Variants in NRG3 observed in about 807,000 individuals in gnomAD.
NRG3 encodes the protein pro-neuregulin-3, membrane-bound isoform.
In NRG3, 31 loss-of-function variants were observed where a neutral mutation model predicts 66.9. The observed-to-expected ratio is 0.46, with a 90% CI of 0.35 to 0.63. The LOEUF (loss-of-function observed/expected upper bound fraction) is 0.63, where lower values mean the gene tolerates loss of function less well. NRG3 is among the 20% of genes least tolerant of loss of function. The pLI, the probability that NRG3 is intolerant of heterozygous loss-of-function variation, is 0.00. For missense variants in NRG3, 910 were observed against 878.9 expected (o/e 1.04, Z -0.45); for synonymous variants, 393 against 359.4 (o/e 1.09, Z -1.06).
chr10:81,979,718 A>C (rs2060264952), intron 1 of NRG3, among the ~76,000 whole-genome samples: 1 of 152,220 alleles, frequency 6.6e-6, no homozygotes, highest in African/African-American at 2.4e-5. Flanking sequence ...ATGCACAAAC[A>C]CACACAGGAG....
At chr10:82,897,997 C>T (rs552479679) in intron 4 of NRG3, among the ~76,000 whole-genome samples, 2 of 152,228 alleles carry the variant, frequency 1.3e-5, no homozygotes, top group Admixed American at 6.5e-5. Context: ...GCCTTACAGC[C>T]CAGCAACTAG....
rs1004071368 is a variant in NRG3 at position 82,324,383 on chromosome 10, T to C, written c.824-34356T>C. On this transcript the variant is annotated intron_variant, in intron 1 of 8. Coordinates refer to ENST00000372141, the MANE Select transcript of NRG3 (RefSeq NM_001010848.4). ...AAGGATCAAGTTTTTATTTCACTAG[T>C]TTTTCTCTATTGATTTTCATTTTTC... Among the ~76,000 whole-genome samples, 7 of 152,264 alleles carry C rather than the reference T, an allele frequency of 4.6e-5. No individual in the cohort carries two copies. In the East Asian group the frequency reaches 5.8e-4, roughly 13 times the overall value.
intron 2 of NRG3, among the ~76,000 whole-genome samples, chr10:82,556,272 C>A (rs2044643743): frequency 6.6e-6 from 1 of 152,140 alleles, no homozygotes; most frequent in Non-Finnish European, 1.5e-5. Flanking sequence ...CTGCCCTCTC[C>A]TATGTTATCT....
intron 2 of NRG3, among the ~76,000 whole-genome samples, chr10:82,649,771 G>A (rs1438669159): frequency 1.3e-5 from 2 of 152,070 alleles, no homozygotes; most frequent in Non-Finnish European, 2.9e-5. Flanking sequence ...GCATTTTAAT[G>A]AGGGTAGGAT....
Position 82,219,306 on chromosome 10 carries a change from A to T in NRG3, c.824-139433A>T, listed in dbSNP as rs540471132. ...GGTAGCTATGTGACCCCTCAAAAAA[A>T]TTTTTTGGCAATAAAAAATATCTTC... is the stretch of plus-strand genomic sequence containing the variant. On this transcript the variant is annotated intron_variant, in intron 1 of 8. Transcript: ENST00000372141. Among the ~76,000 whole-genome samples the T allele has an allele frequency of 1.4e-3, 209 of 147,782 alleles. 1 individual carries two copies. Among genetic ancestry groups the T allele is most frequent in the Middle Eastern group, 3.4e-3 (1 of 294 alleles).
chr10:82,098,452 G>C (rs1282041133), intron 1 of NRG3, among the ~76,000 whole-genome samples: 3 of 152,106 alleles, frequency 2.0e-5, no homozygotes, highest in Non-Finnish European at 4.4e-5. Context: ...TCTTAGTGCT[G>C]CTCCTTGAGC....
chr10:82,587,273 T>C (rs1015847055), intron 2 of NRG3, among the ~76,000 whole-genome samples: 2 of 152,196 alleles, frequency 1.3e-5, no homozygotes, highest in Non-Finnish European at 2.9e-5. Context: ...TCGTTAATTT[T>C]ATTTTGTTTT....
chr10:82,013,520 T>C (rs1465370953), intron 1 of NRG3, among the ~76,000 whole-genome samples: 1 of 152,168 alleles, frequency 6.6e-6, no homozygotes, highest in Non-Finnish European at 1.5e-5. Context: ...TTTTCATTGT[T>C]CATTTACATA....
intron 1 of NRG3, among the ~76,000 whole-genome samples, chr10:82,016,523 T>G (rs556897891): frequency 6.6e-6 from 1 of 152,242 alleles, no homozygotes; most frequent in East Asian, 1.9e-4. Context: ...ATTTGTTATA[T>G]TTCACATTTA....
At chr10:82,230,658 G>T (rs969178022) in intron 1 of NRG3, among the ~76,000 whole-genome samples, 1 of 151,852 alleles carries the variant, frequency 6.6e-6, no homozygotes, top group Non-Finnish European at 1.5e-5. Flanking sequence ...TAAATATGTT[G>T]AAAATATTAA....
chr10:82,804,988 AAGTAT>A (rs1456123866), intron 3 of NRG3, among the ~76,000 whole-genome samples: 1 of 152,238 alleles, frequency 6.6e-6, no homozygotes, highest in Non-Finnish European at 1.5e-5. Context: ...AGAGCATCCC[AAGTAT>A]ATTGAAGCCA....
intron 3 of NRG3, among the ~76,000 whole-genome samples, chr10:82,743,957 G>A (rs2058537898): frequency 1.3e-5 from 2 of 152,190 alleles, no homozygotes; most frequent in African/African-American, 4.8e-5. Flanking sequence ...AAGTCAAAGG[G>A]TTTTGTTCTA....
chr10:82,935,702 A>T (rs1170847964), intron 4 of NRG3, among the ~76,000 whole-genome samples: 1 of 152,076 alleles, frequency 6.6e-6, no homozygotes, highest in Non-Finnish European at 1.5e-5. Flanking sequence ...CAGCTAACTG[A>T]AACCTCTGCC....
At chr10:81,919,249 G>GATAGGATATAAGAATATATAAGA (rs1846017186) in intron 1 of NRG3, among the ~76,000 whole-genome samples, 1 of 152,184 alleles carries the variant, frequency 6.6e-6, no homozygotes, top group Non-Finnish European at 1.5e-5. Flanking sequence ...GCTGAGTTAG[G>GATAGGATATAAGAATATATAAGA]ATAGGATATA....
At chr10:82,608,461 T>G (rs893727812) in intron 2 of NRG3, among the ~76,000 whole-genome samples, 6 of 152,196 alleles carry the variant, frequency 3.9e-5, no homozygotes, top group Admixed American at 1.3e-4. Context: ...ATTTTGTTTC[T>G]ATTAATACTT....
chr10:82,260,051 G>A (rs981918573), intron 1 of NRG3, among the ~76,000 whole-genome samples: 3 of 152,110 alleles, frequency 2.0e-5, no homozygotes, highest in African/African-American at 4.8e-5. Context: ...TCTATTCCCT[G>A]TCCCACAAAA....
intron 3 of NRG3, among the ~76,000 whole-genome samples, chr10:82,796,499 G>A (rs977944843): frequency 1.6e-4 from 25 of 151,944 alleles, no homozygotes; most frequent in African/African-American, 5.1e-4. Context: ...ACAAAGCCCC[G>A]CACCAATGTG....
chr10:82,444,259 C>T (rs920786176), intron 2 of NRG3, among the ~76,000 whole-genome samples: 14 of 152,108 alleles, frequency 9.2e-5, no homozygotes, highest in South Asian at 2.1e-4. Flanking sequence ...CGTGCCACCA[C>T]GTCCAGCTAA....
At chr10:82,113,533 A>T (rs948544649) in intron 1 of NRG3, among the ~76,000 whole-genome samples, 2 of 152,142 alleles carry the variant, frequency 1.3e-5, no homozygotes, top group African/African-American at 2.4e-5. Flanking sequence ...GTTATGAAAA[A>T]CTGAGAGACT....
Sources: allele counts gnomAD v4.1 joint callset (sites outside exome capture counted in the v4.1 genomes callset), GRCh38; gene constraint gnomAD v4.1.1; transcripts MANE v1.5; gene names NCBI Gene and HGNC (gene_info 2026-07-23, HGNC 2026-07-21).